Variants in ATXN2 observed in about 807,000 individuals in gnomAD.
ATXN2 encodes the protein ataxin 2, also known as ataxin-2.
A neutral mutation model predicts 138.6 loss-of-function variants in ATXN2; 37 were observed. The ratio of observed to expected loss-of-function variants is 0.27; its 90% CI spans 0.21 to 0.35. The LOEUF is 0.35. ATXN2 is among the 10% of genes least tolerant of loss of function. The pLI, the probability that ATXN2 is intolerant of heterozygous loss-of-function variation, is 1.00. For missense variants in ATXN2, 1,216 were observed against 1,480.3 expected, an observed-to-expected ratio of 0.82 and a Z score of 2.93; for synonymous variants, 549 against 543.7, an observed-to-expected ratio of 1.01 and a Z score of -0.13.
chr12:111,544,322 C>T lies in ATXN2; in HGVS notation c.571+7958G>A, dbSNP rs1197592618. Among the ~76,000 whole-genome samples, 8 of 152,142 alleles carry T rather than the reference C, an allele frequency of 5.3e-5. No individual in the cohort carries two copies. The East Asian group carries it at 1.5e-3, about 29-fold the overall frequency. Reference sequence around the variant, plus strand: ...ACTATATATGTAAGACCACTTACAGCTTTTTCATTCTTTCCATAAAATAAT... The same window carrying T: ...ACTATATATGTAAGACCACTTACAGTTTTTTCATTCTTTCCATAAAATAAT... On this transcript the variant is annotated intron_variant, in intron 5 of 24. Transcript: ENST00000673436.
chr12:111,525,363 G>A, intron 5 of ATXN2, 47 bp from the exon 6 acceptor site: 2 of 1,488,422 alleles, frequency 1.3e-6, no homozygotes, highest in Non-Finnish European at 1.8e-6. Context: ...CTGGCAATCA[G>A]TTACACTCAC....
At chr12:111,597,781 T>A (rs775978634) in intron 1 of ATXN2, 2 of 1,096,236 alleles carry the variant, frequency 1.8e-6, no homozygotes, top group East Asian at 5.8e-5. Flanking sequence ...CCACGTCCCC[T>A]GCTGCAATCT....
At chr12:111,496,360 C>A (rs1390874709) in intron 14 of ATXN2, among the ~76,000 whole-genome samples, 1 of 151,472 alleles carries the variant, frequency 6.6e-6, no homozygotes, top group African/African-American at 2.4e-5. Context: ...GGTGAAACCC[C>A]CTCTCTACTA....
At chr12:111,521,018 T>C (rs1880130082) in intron 6 of ATXN2, 45 bp from the exon 7 acceptor site, 3 of 1,230,818 alleles carry the variant, frequency 2.4e-6, no homozygotes, top group Non-Finnish European at 3.5e-6. Flanking sequence ...AAAGTAGTTG[T>C]TCCCTTTCAT....
In ATXN2 at chr12:111,457,350, C is replaced by T; in HGVS notation, c.2906G>A (p.Gly969Asp). ...SPSFYFAISTGSLAQQYAHPN... is the reference protein window; with the variant it reads ...SPSFYFAISTDSLAQQYAHPN... Reference sequence around the variant, plus strand: ...GTGCGCATACTGCTGAGCAAGGGAGCCCGTGGAAACTAAAGTGAAAGAAAA... The same window carrying T: ...GTGCGCATACTGCTGAGCAAGGGAGTCCGTGGAAACTAAAGTGAAAGAAAA... Residue 969 changes from glycine (G) to aspartate (D), a missense_variant, in exon 22 of 25, where the codon GGC becomes GAC. Gly to Asp is a moderately conservative substitution (Grantham distance 94). Coordinates refer to ENST00000673436, the MANE Select transcript of ATXN2 (RefSeq NM_001372574.1). 3 of 1,608,142 alleles carry T rather than the reference C, an allele frequency of 1.9e-6. No homozygotes were observed. The highest frequency in any genetic ancestry group is 2.5e-6 in the Non-Finnish European group (3 of 1,177,480).
At chr12:111,478,472 G>A (rs1406459692) in intron 18 of ATXN2, among the ~76,000 whole-genome samples, 1 of 152,108 alleles carries the variant, frequency 6.6e-6, no homozygotes, top group Non-Finnish European at 1.5e-5. Context: ...GTTGACAGCT[G>A]AAAACAAACA....
chr12:111,465,258 A>G (rs574789682), intron 20 of ATXN2, among the ~76,000 whole-genome samples: 2 of 152,102 alleles, frequency 1.3e-5, no homozygotes, highest in East Asian at 3.9e-4. Context: ...AAATGTTAAA[A>G]GGCAGTTGTC....
chr12:111,517,366 G>T (rs1002543052), intron 9 of ATXN2, among the ~76,000 whole-genome samples: 1 of 152,138 alleles, frequency 6.6e-6, no homozygotes, highest in African/African-American at 2.4e-5. Flanking sequence ...AAATACTCAA[G>T]AGTGTCCATT....
At chr12:111,521,418 C>CA (rs1337338654) in intron 6 of ATXN2, among the ~76,000 whole-genome samples, 1 of 152,058 alleles carries the variant, frequency 6.6e-6, no homozygotes, top group Non-Finnish European at 1.5e-5. Context: ...TTTTAACAGC[C>CA]AAAAATACTT....
At chr12:111,497,836 G>C (rs1878518845) in intron 14 of ATXN2, among the ~76,000 whole-genome samples, 1 of 151,852 alleles carries the variant, frequency 6.6e-6, no homozygotes, top group Admixed American at 6.6e-5. Flanking sequence ...CTAACACGGT[G>C]AAACCCCGTC....
chr12:111,469,876 A>G, intron 20 of ATXN2: 1 of 497,470 alleles, frequency 2.0e-6, no homozygotes, highest in Non-Finnish European at 3.5e-6. Flanking sequence ...TATATACATC[A>G]TTACATTTTA....
rs1880065285 is a variant in ATXN2 at position 111,519,956 on chromosome 12, A to T, written c.909T>A (p.Asp303Glu). The T allele has an allele frequency of 6.2e-7, 1 of 1,614,130 alleles. No homozygotes were observed. The highest frequency in any genetic ancestry group is 8.5e-7 in the Non-Finnish European group (1 of 1,180,032). ...QYKARVALEN[D>E]DRSEEEKYTA... ...TGTATTTTTCTTCCTCACTCCTATC[A>T]TCATTTTCCAGGGCCACTCGAGCTT... Residue 303 changes from aspartate to glutamate, a missense_variant, in exon 8 of 25, where the codon GAT (aspartate) becomes GAA (glutamate). Physicochemically the swap from Asp to Glu is conservative, Grantham distance 45. Coordinates refer to ENST00000673436, the MANE Select transcript of ATXN2 (RefSeq NM_001372574.1).
At chr12:111,463,330 T>A (rs1338627010) in intron 21 of ATXN2, among the ~76,000 whole-genome samples, 1 of 152,220 alleles carries the variant, frequency 6.6e-6, no homozygotes, top group Admixed American at 6.5e-5. Context: ...AGTCTCTCTC[T>A]GTTGCCCAGG....
intron 14 of ATXN2, among the ~76,000 whole-genome samples, chr12:111,497,804 C>T (rs1878516263): frequency 6.6e-6 from 1 of 152,098 alleles, no homozygotes; most frequent in Admixed American, 6.5e-5. Context: ...ATCATGAGGT[C>T]AGGAGTTCGA....
rs199570078 is a variant in ATXN2 at position 111,488,773 on chromosome 12, G to A, written c.1943C>T (p.Pro648Leu). Residue 648 changes from proline (P) to leucine (L), a missense_variant, in exon 15 of 25, where the codon CCA (proline) becomes CTA (leucine). Around this residue, in one of 4 missense-constraint regions of ATXN2, gnomAD observed 215 missense variants for 210.0 expected, o/e 1.02. Coordinates refer to ENST00000673436, the MANE Select transcript of ATXN2 (RefSeq NM_001372574.1). ...ATCCATAGATTCAGAAGTAGAACTT[G>A]GCTGTAACTAAATAAAGGAAACAAT... ...KKFKNDFRLQ[P>L]SSTSESMDQL... The A allele has an allele frequency of 1.9e-6, 3 of 1,601,254 alleles. No individual in the cohort carries two copies. The highest frequency in any genetic ancestry group is 1.7e-6 in the Non-Finnish European group (2 of 1,171,198).
At chr12:111,599,516 G>A, upstream of ATXN2, 1 of 1,212,378 alleles carries the variant, frequency 8.2e-7, no homozygotes, top group Non-Finnish European at 1.0e-6. Flanking sequence ...TGAGCGCATC[G>A]GAGGGCGGGC....
In ATXN2 at chr12:111,456,212, T is replaced by C. The variant is rs1461979811; in HGVS notation, c.3087A>G (p.Pro1029=). 6.2e-7 allele frequency: 1 copy of C among 1,614,264 alleles called. No homozygotes were observed. Among genetic ancestry groups the C allele is most frequent in the South Asian group, 1.1e-5 (1 of 91,090 alleles). Reference sequence around the variant, plus strand: ...CGTGGTAAATGGCTGACTGCTGCTGTGGACTGGCCAGATGGAGAGCCTGGG... The same window carrying C: ...CGTGGTAAATGGCTGACTGCTGCTGCGGACTGGCCAGATGGAGAGCCTGGG... ...QAAQALHLAS[P]QQQSAIYHAG... Residue 1029 remains proline, a synonymous_variant, in exon 23 of 25, where the codon CCA becomes CCG. Coordinates refer to ENST00000673436, the MANE Select transcript of ATXN2 (RefSeq NM_001372574.1).
intron 1 of ATXN2, chr12:111,597,970 C>G (rs1033738823): frequency 1.6e-6 from 2 of 1,221,146 alleles, no homozygotes; most frequent in Non-Finnish European, 2.1e-6. Context: ...TGCGGATCGG[C>G]CACCACCCGC....
At chr12:111,492,032 C>G (rs1482103527) in intron 14 of ATXN2, among the ~76,000 whole-genome samples, 8 of 152,106 alleles carry the variant, frequency 5.3e-5, no homozygotes, top group African/African-American at 1.7e-4. Flanking sequence ...ACTAAAGCAC[C>G]CTTGGGCCTT....
Sources: allele counts gnomAD v4.1 joint callset (sites outside exome capture counted in the v4.1 genomes callset), GRCh38; gene constraint gnomAD v4.1.1; regional missense constraint gnomAD v4.1.1; transcripts MANE v1.5; gene names NCBI Gene and HGNC (gene_info 2026-07-23, HGNC 2026-07-21).